SNX14: variants seen among roughly 807,000 people sequenced by gnomAD.
The protein encoded by SNX14 is sorting nexin-14.
A neutral mutation model predicts 133.8 loss-of-function variants in SNX14; 93 were observed. The observed-to-expected ratio is 0.70, with a 90% CI of 0.59 to 0.83. The LOEUF (loss-of-function observed/expected upper bound fraction) is 0.83. Ranked by LOEUF, SNX14 falls within the 40% of genes least tolerant of loss-of-function variation. SNX14 has a pLI of 0.00. For missense variants in SNX14, 945 were observed against 1,094.9 expected (o/e 0.86, Z 1.93); for synonymous variants, 368 against 365.6 (o/e 1.01, Z -0.07).
Position 85,593,829 on chromosome 6 carries a change from C to G in SNX14, c.-111G>C. 1 of 1,544,004 alleles carries G rather than the reference C, an allele frequency of 6.5e-7. No individual in the cohort carries two copies. The highest frequency in any genetic ancestry group is 2.0e-5 in the Admixed American group (1 of 50,366). On this transcript the variant is annotated 5_prime_UTR_variant, in exon 1 of 29. Coordinates refer to ENST00000314673, the MANE Select transcript of SNX14 (RefSeq NM_153816.6). ...ACCGACTTGGCGGCGCACACAGACGCCTACCGGCAGTTAGCCGCCGCAGGC... is the reference window on the plus strand; with the variant it reads ...ACCGACTTGGCGGCGCACACAGACGGCTACCGGCAGTTAGCCGCCGCAGGC...
At chr6:85,535,413 A>C (rs1442272023) in intron 17 of SNX14, among the ~76,000 whole-genome samples, 2 of 151,616 alleles carry the variant, frequency 1.3e-5, no homozygotes, top group African/African-American at 4.8e-5. Flanking sequence ...GGAGTTCAAG[A>C]CCAGCCTGGC....
chr6:85,587,849 T>A (rs888827885), intron 1 of SNX14, among the ~76,000 whole-genome samples: 2 of 152,198 alleles, frequency 1.3e-5, no homozygotes, highest in African/African-American at 4.8e-5. Flanking sequence ...ATTAAAGAAA[T>A]TAAAATAGTA....
intron 19 of SNX14, 68 bp from the exon 20 acceptor site, chr6:85,528,430 T>G: frequency 1.6e-6 from 2 of 1,265,288 alleles, no homozygotes; most frequent in Non-Finnish European, 2.2e-6. Flanking sequence ...AAATTAGGTT[T>G]TAAAATTTAC....
intron 1 of SNX14, among the ~76,000 whole-genome samples, chr6:85,593,135 G>C (rs1803431768): frequency 6.6e-6 from 1 of 152,210 alleles, no homozygotes; most frequent in Non-Finnish European, 1.5e-5. Context: ...TCAGCTGCAA[G>C]CTGAGGGGGT....
Position 85,509,189 on chromosome 6 carries a change from G to A in SNX14, c.2654-1130C>T, listed in dbSNP as rs766067752. Among the ~76,000 whole-genome samples the A allele has an allele frequency of 8.5e-5, 13 of 152,126 alleles. No homozygotes were observed. The South Asian group carries it at 1.4e-3, about 17-fold the overall frequency. ...CAAGAGCTAAGTTACTCTCCCAAAC[G>A]GGAGTCTTAAAGTGAATGTGGTTTG... On this transcript the variant is annotated intron_variant, in intron 26 of 28. Coordinates refer to ENST00000314673, the MANE Select transcript of SNX14 (RefSeq NM_153816.6).
intron 15 of SNX14, among the ~76,000 whole-genome samples, chr6:85,541,670 T>A (rs1374060865): frequency 6.6e-6 from 1 of 152,240 alleles, no homozygotes; most frequent in Non-Finnish European, 1.5e-5. Context: ...AAACGTTTAA[T>A]TCTGAGTTAT....
chr6:85,593,730 C>T lies in SNX14; in HGVS notation c.-12G>A. 7.4e-6 allele frequency: 12 copies of T among 1,613,286 alleles called. No homozygotes were observed. Among genetic ancestry groups the T allele is most frequent in the Non-Finnish European group, 1.0e-5 (12 of 1,179,906 alleles). On this transcript the variant is annotated 5_prime_UTR_variant, in exon 1 of 29. Transcript: ENST00000314673. ...ACCCAGGGCACCATCTCCGTAACGGCGAGGCCGAGACTGCGCTACTGGCTG... is the reference window on the plus strand; with the variant it reads ...ACCCAGGGCACCATCTCCGTAACGGTGAGGCCGAGACTGCGCTACTGGCTG...
intron 20 of SNX14, 106 bp downstream of exon 20, chr6:85,528,156 T>C (rs1050336392): frequency 3.1e-6 from 2 of 635,154 alleles, no homozygotes; most frequent in Non-Finnish European, 2.5e-6. Context: ...AAAATCTACA[T>C]GGACAGGTAT....
In SNX14 at chr6:85,508,279, C is replaced by A. The variant is rs1310922230; in HGVS notation, c.2654-220G>T. On this transcript the variant is annotated intron_variant, in intron 26 of 28. Transcript: ENST00000314673. The stretch of plus-strand genomic sequence containing the variant: ...CATGTATCCCATTTTTGGAGATTCA[C>A]AATGCACAAGGCATAATGCAAACTC... The A allele has an allele frequency of 5.4e-5, 55 of 1,020,482 alleles. No homozygotes were observed. In the Admixed American group the frequency reaches 6.4e-4, roughly 12 times the overall value. 63.2% of individuals were successfully genotyped at this position (1,020,482 alleles called of 1,614,324 possible).
chr6:85,511,536 G>C (rs112436061), intron 26 of SNX14, among the ~76,000 whole-genome samples: 1 of 152,188 alleles, frequency 6.6e-6, no homozygotes, highest in Non-Finnish European at 1.5e-5. Flanking sequence ...TTAGCTATAG[G>C]TGTTTTTGTA....
intron 21 of SNX14, among the ~76,000 whole-genome samples, chr6:85,520,128 C>T (rs1010391722): frequency 2.0e-5 from 3 of 147,870 alleles, no homozygotes; most frequent in Admixed American, 2.0e-4. Context: ...CGGCTCCCTC[C>T]ACTTGCCAGT....
chr6:85,517,092 A>C (rs1775293274), intron 23 of SNX14, among the ~76,000 whole-genome samples: 1 of 152,238 alleles, frequency 6.6e-6, no homozygotes, highest in South Asian at 2.1e-4. Flanking sequence ...TGTCAATATA[A>C]AAGAATTACC....
chr6:85,551,644 G>C (rs1204473411), intron 7 of SNX14, among the ~76,000 whole-genome samples: 1 of 152,176 alleles, frequency 6.6e-6, no homozygotes, highest in Non-Finnish European at 1.5e-5. Context: ...TCACACTGAA[G>C]GCTATGTTTT....
intron 2 of SNX14, among the ~76,000 whole-genome samples, chr6:85,573,551 G>A (rs372869821): frequency 1.3e-5 from 2 of 152,286 alleles, no homozygotes; most frequent in South Asian, 2.1e-4. Flanking sequence ...TTGCTTTACA[G>A]AGATAGACTC....
rs1775588745 is a variant in SNX14, at chr6:85,517,882, T to C, written c.2149-7A>G. On this transcript the variant is annotated splice_region_variant and splice_polypyrimidine_tract_variant and intron_variant, in intron 22 of 28. Coordinates refer to ENST00000314673, the MANE Select transcript of SNX14 (RefSeq NM_153816.6). ...GTTCCAAATGCTGACCTTTCTGTGG[T>C]GATAGATTATTGTAAGAAAATAAAA... The C allele has an allele frequency of 6.3e-7, 1 of 1,589,456 alleles. No individual in the cohort carries two copies. The highest frequency in any genetic ancestry group is 1.2e-5 in the South Asian group (1 of 85,572).
chr6:85,581,976 T>C (rs1266830292), intron 1 of SNX14: 2 of 152,276 alleles, frequency 1.3e-5, no homozygotes, highest in East Asian at 3.9e-4. Flanking sequence ...AAGGTATCAA[T>C]GTTCAAGTAC....
rs750166826 is a variant in SNX14, at chr6:85,514,141, T to C, written c.2486A>G (p.Tyr829Cys). 6.2e-7 allele frequency: 1 copy of C among 1,614,050 alleles called. No homozygotes were observed. Among genetic ancestry groups the C allele is most frequent in the Non-Finnish European group, 8.5e-7 (1 of 1,179,948 alleles). Reference protein sequence around the residue: ...FKNTLEMYTDYYLQCKLEQLF... With the variant: ...FKNTLEMYTDCYLQCKLEQLF... ...CTGTTCTAGTTTACACTGAAGATAGTAATCAGTATACATTTCCAGGGTGTT... is the reference window on the plus strand; with the variant it reads ...CTGTTCTAGTTTACACTGAAGATAGCAATCAGTATACATTTCCAGGGTGTT... The change falls in exon 25 of 29, where the codon TAC becomes TGC. Residue 829 changes from tyrosine to cysteine, a missense_variant. This residue lies in a region of SNX14 where 412 missense variants were observed against 516.6 expected (regional missense o/e 0.80). Transcript: ENST00000314673.
chr6:85,511,254 G>GT (rs796379873), intron 26 of SNX14, among the ~76,000 whole-genome samples: 21 of 152,226 alleles, frequency 1.4e-4, no homozygotes, highest in African/African-American at 4.3e-4. Context: ...TGAATTTTGT[G>GT]TATTAACCTT....
intron 15 of SNX14, among the ~76,000 whole-genome samples, chr6:85,541,209 T>A (rs548272797): frequency 1.3e-4 from 20 of 152,186 alleles, no homozygotes; most frequent in Non-Finnish European, 2.8e-4. Flanking sequence ...GCCAGACTGG[T>A]CTCAAACTCC....
Sources: gnomAD v4.1 joint callset for allele counts (sites outside exome capture counted in the v4.1 genomes callset) on GRCh38, gnomAD v4.1.1 for gene constraint, gnomAD v4.1.1 regional missense constraint, MANE v1.5 for transcripts, NCBI Gene and HGNC (gene_info 2026-07-23, HGNC 2026-07-21) for gene names.